CDH12: variants seen among roughly 807,000 people sequenced by gnomAD.
The protein encoded by CDH12 is cadherin-12.
In CDH12, 41 loss-of-function variants were observed where a neutral mutation model predicts 74.1. The observed-to-expected ratio is 0.55, with a 90% confidence interval of 0.43 to 0.72. The LOEUF is 0.72. CDH12 is among the 30% of genes least tolerant of loss of function. The pLI is 0.00. For missense variants in CDH12, 945 were observed against 977.2 expected (o/e 0.97, Z 0.44); for synonymous variants, 399 against 355.0 (o/e 1.12, Z -1.39).
In CDH12 at chr5:22,116,554, G is replaced by A. The variant is rs570995013; in HGVS notation, c.-186-37692C>T. Among the ~76,000 whole-genome samples, 4 of 151,902 alleles carry A rather than the reference G, an allele frequency of 2.6e-5. No homozygotes were observed. The East Asian group carries it at 7.8e-4, about 29-fold the overall frequency. The stretch of plus-strand genomic sequence containing the variant: ...TGGGAGATGGAGCTTGCAGTTAGCC[G>A]AGATCGTGCCAATGCACTCCAGCCT... On this transcript the variant is annotated intron_variant, in intron 4 of 14. Transcript: ENST00000382254.
At chr5:22,512,979 G>A (rs1736673979) in intron 1 of CDH12, among the ~76,000 whole-genome samples, 2 of 152,164 alleles carry the variant, frequency 1.3e-5, no homozygotes, top group African/African-American at 4.8e-5. Flanking sequence ...GGAGGTTGCA[G>A]TGAGCCGAGA....
intron 1 of CDH12, among the ~76,000 whole-genome samples, chr5:22,808,605 C>CTTTTTTTTTTTTTTT (rs34567315): frequency 5.4e-5 from 6 of 111,484 alleles, no homozygotes; most frequent in Non-Finnish European, 9.0e-5. Flanking sequence ...CTTTTCTTGT[C>CTTTTTTTTTTTTTTT]TTTTTTTTTT....
intron 1 of CDH12, among the ~76,000 whole-genome samples, chr5:22,549,623 A>T (rs1390285955): frequency 6.6e-6 from 1 of 152,208 alleles, no homozygotes; most frequent in East Asian, 1.9e-4. Flanking sequence ...GTTACAGTTC[A>T]TCTACTAGTT....
chr5:21,868,973 T>A (rs1368082712), intron 6 of CDH12, among the ~76,000 whole-genome samples: 1 of 152,210 alleles, frequency 6.6e-6, no homozygotes, highest in East Asian at 1.9e-4. Context: ...TTCTTGTTCC[T>A]GCAACTTTGT....
chr5:21,825,384 T>A (rs1579775637), intron 8 of CDH12, among the ~76,000 whole-genome samples: 1 of 152,154 alleles, frequency 6.6e-6, no homozygotes, highest in Non-Finnish European at 1.5e-5. Flanking sequence ...CTTTTTCTTC[T>A]TAAACTCCAA....
intron 2 of CDH12, among the ~76,000 whole-genome samples, chr5:22,453,371 G>A (rs1054521186): frequency 3.3e-5 from 5 of 152,090 alleles, no homozygotes; most frequent in Non-Finnish European, 7.4e-5. Flanking sequence ...AAAACATGTT[G>A]TATGTATACG....
intron 1 of CDH12, among the ~76,000 whole-genome samples, chr5:22,538,798 G>A (rs1003375504): frequency 1.3e-5 from 2 of 152,152 alleles, no homozygotes; most frequent in African/African-American, 4.8e-5. Flanking sequence ...TTTGAGAGTG[G>A]CCTTGGTCAA....
At position 21,751,606 on chromosome 5, in the gene CDH12, C is replaced by G. The variant is rs907019279; in HGVS notation, c.*131G>C. On this transcript the variant is annotated 3_prime_UTR_variant, in exon 15 of 15. Coordinates refer to ENST00000382254, the MANE Select transcript of CDH12 (RefSeq NM_004061.5). Reference sequence around the variant, plus strand: ...CCAGGTAATCAAAGGAATCTTGTCCCAGAGTGTGTGTGTGTGTGTGTGTGT... The same window carrying G: ...CCAGGTAATCAAAGGAATCTTGTCCGAGAGTGTGTGTGTGTGTGTGTGTGT... 2.5e-5 allele frequency: 15 copies of G among 599,844 alleles called. No individual in the cohort carries two copies. The South Asian group carries it at 3.8e-4, about 15-fold the overall frequency. The allele number at this position is 599,844 out of a possible 1,614,324, so 37.2% of individuals were successfully genotyped here. A position where few individuals can be genotyped will look rare whatever the true frequency, so the allele number is the denominator to read the frequency against.
intron 1 of CDH12, among the ~76,000 whole-genome samples, chr5:22,851,549 T>G (rs1357729622): frequency 2.0e-5 from 3 of 152,140 alleles, no homozygotes; most frequent in African/African-American, 7.2e-5. Context: ...GAAAACCTCT[T>G]TTTACTTCAG....
At chr5:22,544,749 A>G (rs1259205058) in intron 1 of CDH12, among the ~76,000 whole-genome samples, 3 of 151,950 alleles carry the variant, frequency 2.0e-5, no homozygotes, top group Non-Finnish European at 4.4e-5. Flanking sequence ...CCTAGGAAGG[A>G]CAGATTGCAG....
At chr5:22,009,087 A>C (rs943100083) in intron 5 of CDH12, among the ~76,000 whole-genome samples, 1 of 152,238 alleles carries the variant, frequency 6.6e-6, no homozygotes, top group South Asian at 2.1e-4. Flanking sequence ...AACTCTGCAT[A>C]GATGGGACCC....
At chr5:22,433,602 G>A (rs920361653) in intron 2 of CDH12, among the ~76,000 whole-genome samples, 2 of 151,972 alleles carry the variant, frequency 1.3e-5, no homozygotes, top group Non-Finnish European at 2.9e-5. Context: ...CCTACCATGT[G>A]ACAAGACATA....
intron 2 of CDH12, among the ~76,000 whole-genome samples, chr5:22,493,734 T>C (rs940533850): frequency 7.9e-5 from 12 of 152,106 alleles, no homozygotes; most frequent in African/African-American, 2.7e-4. Context: ...GAGGAAAGGC[T>C]GGGTACTTGA....
intron 5 of CDH12, among the ~76,000 whole-genome samples, chr5:21,996,347 T>C (rs1736301436): frequency 6.6e-6 from 1 of 152,108 alleles, no homozygotes; most frequent in Non-Finnish European, 1.5e-5. Context: ...TATAAATTGG[T>C]AAGAAGAAAG....
intron 2 of CDH12, among the ~76,000 whole-genome samples, chr5:22,434,736 T>C (rs1193729964): frequency 6.6e-6 from 1 of 152,186 alleles, no homozygotes; most frequent in Non-Finnish European, 1.5e-5. Context: ...TAAGACTACA[T>C]ATTTCAAGAA....
intron 4 of CDH12, among the ~76,000 whole-genome samples, chr5:22,097,345 C>A (rs1743849229): frequency 6.6e-6 from 1 of 152,170 alleles, no homozygotes; most frequent in Admixed American, 6.5e-5. Context: ...CCTCAGAAGC[C>A]CCCTAGACCA....
intron 1 of CDH12, among the ~76,000 whole-genome samples, chr5:22,804,624 T>C (rs1419788347): frequency 6.6e-6 from 1 of 152,216 alleles, no homozygotes; most frequent in Non-Finnish European, 1.5e-5. Context: ...TTAAAGCCTT[T>C]AAATGATTGG....
At chr5:22,303,514 A>G (rs899868979) in intron 3 of CDH12, among the ~76,000 whole-genome samples, 2 of 152,098 alleles carry the variant, frequency 1.3e-5, no homozygotes, top group African/African-American at 4.8e-5. Flanking sequence ...GAATTAATGG[A>G]AAAAAAGTGA....
intron 2 of CDH12, among the ~76,000 whole-genome samples, chr5:22,501,254 G>A (rs555861580): frequency 9.0e-4 from 137 of 152,216 alleles, no homozygotes; most frequent in Middle Eastern, 6.8e-3. Flanking sequence ...TAAGAGCATC[G>A]TGTGATCTGA....
Sources: allele counts gnomAD v4.1 joint callset (sites outside exome capture counted in the v4.1 genomes callset), GRCh38; gene constraint gnomAD v4.1.1; transcripts MANE v1.5; gene names NCBI Gene and HGNC (gene_info 2026-07-23, HGNC 2026-07-21).